The following SMYD3 variants were observed in gnomAD, a reference collection of about 807,000 sequenced individuals.
SMYD3 encodes the protein SET and MYND domain containing 3.
A neutral mutation model predicts 57.7 loss-of-function variants in SMYD3; 36 were observed. The observed-to-expected ratio is 0.62, with a 90% CI of 0.48 to 0.82. SMYD3 has a LOEUF of 0.82. SMYD3 is among the 40% of genes least tolerant of loss of function. SMYD3 has a pLI of 0.00. For synonymous variants in SMYD3, 211 were observed against 195.0 expected (o/e 1.08, Z -0.68); for missense variants, 515 against 538.8 (o/e 0.96, Z 0.44).
At chr1:246,409,868 G>A (rs2066933745) in intron 1 of SMYD3, among the ~76,000 whole-genome samples, 1 of 152,100 alleles carries the variant, frequency 6.6e-6, no homozygotes, top group Non-Finnish European at 1.5e-5. Flanking sequence ...GTGGTTTATA[G>A]TTCTCCTTGA....
At chr1:246,059,646 C>G (rs574406640) in intron 5 of SMYD3, among the ~76,000 whole-genome samples, 1 of 152,138 alleles carries the variant, frequency 6.6e-6, no homozygotes, top group African/African-American at 2.4e-5. Context: ...AAAACCATTC[C>G]TTTCCTTTTA....
chr1:246,168,427 T>C (rs192003213), intron 5 of SMYD3, among the ~76,000 whole-genome samples: 179 of 152,258 alleles, frequency 1.2e-3, no homozygotes, highest in African/African-American at 4.2e-3. Flanking sequence ...GTGCAAAATA[T>C]TAATTTTTAA....
At chr1:245,753,541 A>G (rs1218380074) in intron 11 of SMYD3, among the ~76,000 whole-genome samples, 1 of 152,032 alleles carries the variant, frequency 6.6e-6, no homozygotes, top group East Asian at 1.9e-4. Context: ...ACCTGGGCCT[A>G]TGGGTGAGCT....
At chr1:245,993,125 A>T (rs1472496625) in intron 5 of SMYD3, among the ~76,000 whole-genome samples, 1 of 152,212 alleles carries the variant, frequency 6.6e-6, no homozygotes, top group Non-Finnish European at 1.5e-5. Context: ...GGTGTTCATC[A>T]TGTTCCAGAT....
chr1:245,877,900 G>A (rs1352699393), intron 8 of SMYD3, among the ~76,000 whole-genome samples: 1 of 152,212 alleles, frequency 6.6e-6, no homozygotes, highest in Non-Finnish European at 1.5e-5. Flanking sequence ...ACGCCACGCA[G>A]GTGGAATCTG....
chr1:246,401,932 G>C (rs1179404817), intron 1 of SMYD3, among the ~76,000 whole-genome samples: 2 of 152,070 alleles, frequency 1.3e-5, no homozygotes, highest in Non-Finnish European at 2.9e-5. Flanking sequence ...ATGTTGGTCA[G>C]GCTGGTCTCG....
intron 8 of SMYD3, among the ~76,000 whole-genome samples, chr1:245,898,359 T>C (rs1365532593): frequency 6.6e-6 from 1 of 152,162 alleles, no homozygotes; most frequent in Non-Finnish European, 1.5e-5. Context: ...TACTTCAAAA[T>C]CTTTTGGGTG....
At chr1:245,928,573 T>C (rs935087411) in intron 6 of SMYD3, among the ~76,000 whole-genome samples, 1 of 151,640 alleles carries the variant, frequency 6.6e-6, no homozygotes, top group Non-Finnish European at 1.5e-5. Flanking sequence ...ACTCAGGAGG[T>C]GGAGGCAGGA....
In SMYD3 at chr1:246,338,321, T is replaced by C. The variant is rs547668684; in HGVS notation, c.229-2847A>G. ...ATCTTTTTACGCAGCTCCTTTGACT[T>C]TGAAGCAAAACGTGACAATCATACA... On this transcript the variant is annotated intron_variant, in intron 2 of 11. Transcript: ENST00000490107. Among the ~76,000 whole-genome samples, 11 of 152,338 alleles carry C rather than the reference T, an allele frequency of 7.2e-5. No individual in the cohort carries two copies. The South Asian group carries it at 2.3e-3, about 32-fold the overall frequency.
intron 8 of SMYD3, among the ~76,000 whole-genome samples, chr1:245,893,464 T>C (rs1572611594): frequency 6.6e-6 from 1 of 151,324 alleles, no homozygotes; most frequent in Non-Finnish European, 1.5e-5. Context: ...AACTCAAATA[T>C]CCTTCACTTA....
chr1:246,012,754 A>G (rs1468712622), intron 5 of SMYD3, among the ~76,000 whole-genome samples: 3 of 152,194 alleles, frequency 2.0e-5, no homozygotes, highest in African/African-American at 4.8e-5. Flanking sequence ...ACTCCATCAC[A>G]TATGTTCTGA....
chr1:246,291,514 A>G (rs1394284456), intron 5 of SMYD3, among the ~76,000 whole-genome samples: 4 of 152,226 alleles, frequency 2.6e-5, no homozygotes, highest in Non-Finnish European at 5.9e-5. Context: ...TTACACATTC[A>G]TACATTTTAA....
intron 5 of SMYD3, among the ~76,000 whole-genome samples, chr1:246,271,113 G>GA (rs1190998477): frequency 6.6e-6 from 1 of 152,054 alleles, no homozygotes; most frequent in Admixed American, 6.5e-5. Context: ...ATCTTCTTTG[G>GA]AAAAATGTCT....
intron 10 of SMYD3, chr1:245,789,071 G>A (rs759394343): frequency 3.9e-5 from 6 of 152,158 alleles, no homozygotes; most frequent in Non-Finnish European, 7.3e-5. Context: ...AACTCCTCTT[G>A]GAACACGGCA....
chr1:246,475,684 G>A (rs769483836), intron 1 of SMYD3, among the ~76,000 whole-genome samples: 67 of 152,088 alleles, frequency 4.4e-4, no homozygotes, highest in Admixed American at 4.6e-4. Context: ...GCACAATCTC[G>A]GCTCACTGCA....
chr1:245,836,425 C>A (rs2050110014), intron 10 of SMYD3, among the ~76,000 whole-genome samples: 1 of 152,222 alleles, frequency 6.6e-6, no homozygotes, highest in Admixed American at 6.5e-5. Context: ...CCATAGGGAG[C>A]CGTCTTCGTG....
chr1:245,910,359 C>T (rs1112525), intron 8 of SMYD3, among the ~76,000 whole-genome samples: 1,797 of 152,116 alleles, frequency 0.012, 33 homozygotes, highest in African/African-American at 0.04. Context: ...CTAAAATGAC[C>T]GTTCTATCCA....
intron 10 of SMYD3, among the ~76,000 whole-genome samples, chr1:245,790,620 G>A (rs1017137743): frequency 3.3e-5 from 5 of 152,178 alleles, no homozygotes; most frequent in African/African-American, 1.2e-4. Flanking sequence ...AGCCTCTTTT[G>A]GTCAGAGGGA....
intron 5 of SMYD3, among the ~76,000 whole-genome samples, chr1:246,030,353 G>T (rs2059649012): frequency 1.3e-5 from 2 of 152,068 alleles, no homozygotes; most frequent in Admixed American, 6.5e-5. Context: ...GCTCTTATGT[G>T]GGAGCAAAAA....
Sources: allele counts gnomAD v4.1 joint callset (sites outside exome capture counted in the v4.1 genomes callset), GRCh38; gene constraint gnomAD v4.1.1; transcripts MANE v1.5; gene names NCBI Gene and HGNC (gene_info 2026-07-23, HGNC 2026-07-21).